Variants in DIXDC1 observed in about 807,000 individuals in gnomAD.
DIXDC1 encodes DIX domain containing 1.
A neutral mutation model predicts 103.1 loss-of-function variants in DIXDC1; 64 were observed. The observed-to-expected ratio is 0.62, with a 90% CI of 0.51 to 0.76. The LOEUF (loss-of-function observed/expected upper bound fraction) is 0.76. Among genes scored for constraint, DIXDC1 ranks in the 30% least tolerant of loss-of-function variants. DIXDC1 has a pLI of 0.00. For missense variants in DIXDC1, 759 were observed against 834.2 expected, an observed-to-expected ratio of 0.91 and a Z score of 1.11; for synonymous variants, 266 against 298.5, an observed-to-expected ratio of 0.89 and a Z score of 1.12.
At chr11:112,012,577 A>G (rs782373219) in intron 17 of DIXDC1, among the ~76,000 whole-genome samples, 9 of 152,250 alleles carry the variant, frequency 5.9e-5, no homozygotes, top group Non-Finnish European at 1.2e-4. Context: ...GCCTAAACTT[A>G]TAAGCTATAA....
chr11:112,009,779 T>G (rs1388599511), intron 17 of DIXDC1, among the ~76,000 whole-genome samples: 2 of 152,150 alleles, frequency 1.3e-5, no homozygotes, highest in African/African-American at 4.8e-5. Flanking sequence ...CTAAAATCTC[T>G]CAATAAACTG....
intron 10 of DIXDC1, among the ~76,000 whole-genome samples, chr11:111,989,663 G>T (rs1860630081): frequency 6.7e-6 from 1 of 149,352 alleles, no homozygotes. Flanking sequence ...TAAAAAAATT[G>T]TTATTTACTT....
chr11:111,994,448 T>TATACATACACACATATAC (rs781918370), intron 14 of DIXDC1, among the ~76,000 whole-genome samples: 137 of 151,592 alleles, frequency 9.0e-4, no homozygotes, highest in Admixed American at 5.0e-3. Flanking sequence ...CACACATATA[T>TATACATACACACATATAC]ATACATACAC....
chr11:111,948,575 C>G (rs1592551195), intron 1 of DIXDC1, among the ~76,000 whole-genome samples: 1 of 151,386 alleles, frequency 6.6e-6, no homozygotes, highest in Non-Finnish European at 1.5e-5. Flanking sequence ...CTGATTGATT[C>G]AATTACAAAA....
rs1860158073 is a variant in DIXDC1, at chr11:111,977,672, G to A, written c.656+2689G>A. ...CCCGTGGAGGCGTTTTCCAGCCCCAGCGCGGGGAGACATGCCTGAATTTGG... is the reference window on the plus strand; with the variant it reads ...CCCGTGGAGGCGTTTTCCAGCCCCAACGCGGGGAGACATGCCTGAATTTGG... On this transcript the variant is annotated intron_variant, in intron 5 of 19. Coordinates refer to ENST00000440460, the MANE Select transcript of DIXDC1 (RefSeq NM_001037954.4). The surrounding 1 kb of genome is among the most constrained non-coding windows in gnomAD (Gnocchi z 6.1). The A allele has an allele frequency of 4.5e-6, 7 of 1,546,704 alleles. No homozygotes were observed. The South Asian group carries it at 8.3e-5, about 18-fold the overall frequency.
At chr11:111,930,155 T>C (rs781920586) in intron 2 of DIXDC1, among the ~76,000 whole-genome samples, 6 of 152,220 alleles carry the variant, frequency 3.9e-5, no homozygotes, top group Non-Finnish European at 8.8e-5. Flanking sequence ...TTAATCAGAA[T>C]GTATGCGTTT....
At chr11:111,955,521 T>C (rs1397971039) in intron 1 of DIXDC1, among the ~76,000 whole-genome samples, 2 of 151,900 alleles carry the variant, frequency 1.3e-5, no homozygotes, top group Admixed American at 6.6e-5. Flanking sequence ...CACTTCTGGG[T>C]ATATATTGAA....
intron 1 of DIXDC1, among the ~76,000 whole-genome samples, chr11:111,956,899 G>A (rs1004082718): frequency 7.2e-5 from 11 of 152,070 alleles, no homozygotes; most frequent in Non-Finnish European, 1.2e-4. Context: ...AGGCATGGGA[G>A]TTCATGCGTG....
intron 1 of DIXDC1, among the ~76,000 whole-genome samples, chr11:111,950,426 ATATATATATATATTTT>A (rs1966747726): frequency 3.5e-5 from 1 of 28,896 alleles, no homozygotes; most frequent in Non-Finnish European, 8.1e-5. Context: ...ATATATATAT[ATATATATATATATTTT>A]TTTTTTTTTT....
Position 111,937,343 on chromosome 11 carries a change from A to G in DIXDC1, c.-157A>G. The G allele has an allele frequency of 7.1e-7, 1 of 1,418,226 alleles. No homozygotes were observed. Among genetic ancestry groups the G allele is most frequent in the South Asian group, 1.6e-5 (1 of 63,886 alleles). 87.9% of individuals were successfully genotyped at this position (1,418,226 alleles called of 1,614,324 possible). On this transcript the variant is annotated 5_prime_UTR_variant, in exon 1 of 20. Coordinates refer to ENST00000440460, the MANE Select transcript of DIXDC1 (RefSeq NM_001037954.4). ...GCGAGCATGCCCAGTGCAAGCCGCT[A>G]GTTTGGCTCCAGTCTAGGTTTCCAG...
Position 111,977,260 on chromosome 11 carries a change from C to T in DIXDC1, c.656+2277C>T, listed in dbSNP as rs963413334. ...GGCTTGGGTCGGAGCCCGGCTGCCT[C>T]GCCGCGTGTGACAGCCCAGGGAGGG... is the stretch of plus-strand genomic sequence containing the variant. On this transcript the variant is annotated intron_variant, in intron 5 of 19. Coordinates refer to ENST00000440460, the MANE Select transcript of DIXDC1 (RefSeq NM_001037954.4). This position sits in a 1 kb window ranked among gnomAD's most constrained non-coding sequence, Gnocchi z 6.1. The T allele has an allele frequency of 3.0e-5, 30 of 1,003,084 alleles. No homozygotes were observed. In the African/African-American group the frequency reaches 4.0e-4, roughly 13 times the overall value. 62.1% of individuals were successfully genotyped at this position (1,003,084 alleles called of 1,614,324 possible).
intron 1 of DIXDC1, among the ~76,000 whole-genome samples, chr11:111,956,815 T>C (rs989001108): frequency 1.2e-4 from 18 of 151,932 alleles, no homozygotes; most frequent in African/African-American, 4.4e-4. Context: ...CAGTAGCGGA[T>C]TAATAGCAGA....
chr11:111,966,212 T>G (rs1400294686), intron 2 of DIXDC1, among the ~76,000 whole-genome samples: 1 of 128,198 alleles, frequency 7.8e-6, no homozygotes, highest in East Asian at 2.3e-4. Context: ...CCGGGGTTTT[T>G]TTTTTTTTTT....
At chr11:111,972,949 C>T (rs1304271917) in intron 3 of DIXDC1, among the ~76,000 whole-genome samples, 3 of 151,108 alleles carry the variant, frequency 2.0e-5, no homozygotes, top group Non-Finnish European at 2.9e-5. Context: ...ATCCCAGCTA[C>T]TCAGGAGGCT....
At chr11:111,931,876 G>C (rs587703230) in intron 2 of DIXDC1, among the ~76,000 whole-genome samples, 78 of 152,202 alleles carry the variant, frequency 5.1e-4, no homozygotes, top group African/African-American at 1.8e-3. Flanking sequence ...TACTGATGTG[G>C]AGCTCTGACA....
chr11:112,013,321 T>TGGGGGGGG (rs1403269609), intron 17 of DIXDC1, among the ~76,000 whole-genome samples: 30 of 35,704 alleles, frequency 8.4e-4, no homozygotes, highest in South Asian at 1.5e-3. Flanking sequence ...GGTCGGGGGG[T>TGGGGGGGG]GGGGGTGGGG....
upstream of DIXDC1, chr11:111,937,334 C>T: frequency 7.1e-7 from 1 of 1,414,926 alleles, no homozygotes; most frequent in South Asian, 1.6e-5. Context: ...ATGCCCAGTG[C>T]AAGCCGCTAG....
intron 1 of DIXDC1, among the ~76,000 whole-genome samples, chr11:111,940,002 C>G (rs929361596): frequency 1.3e-5 from 2 of 152,172 alleles, no homozygotes; most frequent in African/African-American, 4.8e-5. Context: ...CACCCAGATG[C>G]CTTATAGGTC....
At chr11:111,982,650 G>T (rs587775924) in intron 7 of DIXDC1, among the ~76,000 whole-genome samples, 163 bp downstream of exon 7, 1 of 152,284 alleles carries the variant, frequency 6.6e-6, no homozygotes, top group African/African-American at 2.4e-5. Context: ...CCTTATATTT[G>T]AATACTTTAA....
Sources: gnomAD v4.1 joint callset for allele counts (sites outside exome capture counted in the v4.1 genomes callset) on GRCh38, gnomAD v4.1.1 for gene constraint, Gnocchi (gnomAD v3.1) non-coding constraint, MANE v1.5 for transcripts, NCBI Gene and HGNC (gene_info 2026-07-23, HGNC 2026-07-21) for gene names.